Variants in FSHR observed in about 807,000 individuals in gnomAD.
FSHR encodes follicle-stimulating hormone receptor.
FSHR carries 46 observed loss-of-function variants against 52.1 expected under a neutral mutation model. The observed-to-expected ratio is 0.88, with a 90% confidence interval of 0.70 to 1.13. FSHR has a LOEUF of 1.13. Ranked by LOEUF, FSHR falls within the 50% of genes most tolerant of loss-of-function variation. The pLI is 0.00. For synonymous variants in FSHR, 399 were observed against 309.6 expected, an observed-to-expected ratio of 1.29 and a Z score of -3.03; for missense variants, 964 against 834.6, an observed-to-expected ratio of 1.16 and a Z score of -1.91.
chr2:48,962,186 T>G lies in FSHR; in HGVS notation c.*547A>C, dbSNP rs1329263398. The G allele has an allele frequency of 1.2e-5, 2 of 168,052 alleles. No homozygotes were observed. The highest frequency in any genetic ancestry group is 4.8e-5 in the African/African-American group (2 of 41,514). The allele number at this position is 168,052 out of a possible 1,614,324, so 10.4% of individuals were successfully genotyped here. On this transcript the variant is annotated 3_prime_UTR_variant, in exon 10 of 10. Coordinates refer to ENST00000406846, the MANE Select transcript of FSHR (RefSeq NM_000145.4). Reference sequence around the variant, plus strand: ...ACATGAGGAAGGGAAATCTGGGAAATGTATTTCAGCCTATCCACACTGACG... The same window carrying G: ...ACATGAGGAAGGGAAATCTGGGAAAGGTATTTCAGCCTATCCACACTGACG...
At chr2:49,119,386 T>G (rs187266981) in intron 1 of FSHR, among the ~76,000 whole-genome samples, 2,054 of 149,658 alleles carry the variant, frequency 0.014, 32 homozygotes, top group Non-Finnish European at 0.018. Context: ...CTTTGTTTTT[T>G]TTTTGTTTTT....
Position 49,042,951 on chromosome 2 carries a change from T to C in FSHR, c.225-22791A>G, listed in dbSNP as rs576405833. 1.3e-4 allele frequency among the ~76,000 whole-genome samples: 20 copies of C among 152,094 alleles called. No individual in the cohort carries two copies. The South Asian group carries it at 4.2e-3, about 32-fold the overall frequency. On this transcript the variant is annotated intron_variant, in intron 2 of 9. Transcript: ENST00000406846. ...TTTTATGCCTAACATTGACAACACC[T>C]TAGGAAAAAAGGAAGAATATAGCAG...
intron 1 of FSHR, among the ~76,000 whole-genome samples, chr2:49,136,987 A>G (rs1271676350): frequency 6.6e-6 from 1 of 152,134 alleles, no homozygotes; most frequent in Non-Finnish European, 1.5e-5. Flanking sequence ...CTTCCATTCA[A>G]CACTGTACTG....
intron 4 of FSHR, among the ~76,000 whole-genome samples, chr2:49,010,636 C>T (rs1202619772): frequency 1.7e-4 from 26 of 150,648 alleles, no homozygotes; most frequent in Admixed American, 3.3e-4. Flanking sequence ...TGGTAGAATT[C>T]GGCTGTGAAT....
intron 4 of FSHR, among the ~76,000 whole-genome samples, chr2:49,017,135 G>A (rs1247946623): frequency 2.0e-5 from 3 of 152,210 alleles, no homozygotes; most frequent in African/African-American, 7.2e-5. Context: ...GAATAAGAGA[G>A]ACAATGGCTT....
chr2:49,017,189 G>A (rs945725908), intron 4 of FSHR, among the ~76,000 whole-genome samples: 1 of 152,218 alleles, frequency 6.6e-6, no homozygotes, highest in Non-Finnish European at 1.5e-5. Flanking sequence ...AATTTTGGCT[G>A]TATCTCATTA....
intron 1 of FSHR, among the ~76,000 whole-genome samples, chr2:49,107,311 CA>C (rs1200139365): frequency 6.6e-6 from 1 of 151,870 alleles, no homozygotes; most frequent in African/African-American, 2.4e-5. Context: ...ATTTGTCTTC[CA>C]TATGATCTCC....
At chr2:48,969,043 C>G (rs975911570) in intron 8 of FSHR, among the ~76,000 whole-genome samples, 160 bp from the exon 9 acceptor site, 3 of 152,166 alleles carry the variant, frequency 2.0e-5, no homozygotes, top group African/African-American at 7.2e-5. Context: ...GGATATTTGG[C>G]TAATAGGACA....
chr2:49,025,411 A>G (rs771283316), intron 2 of FSHR, among the ~76,000 whole-genome samples: 1 of 152,192 alleles, frequency 6.6e-6, no homozygotes, highest in Non-Finnish European at 1.5e-5. Context: ...ACTAGAAAAA[A>G]TAAACTTTTG....
At position 49,009,175 on chromosome 2, in the gene FSHR, C is replaced by T. The variant is rs555412701; in HGVS notation, c.374+8314G>A. On this transcript the variant is annotated intron_variant, in intron 4 of 9. Coordinates refer to ENST00000406846, the MANE Select transcript of FSHR (RefSeq NM_000145.4). The stretch of plus-strand genomic sequence containing the variant: ...ATGGTTTTAGGTCTAACGTTTAAGT[C>T]TTTAATCCATCTTGAATTGATTTTT... Among the ~76,000 whole-genome samples, 1,431 of 151,656 alleles carry T rather than the reference C, an allele frequency of 9.4e-3. 15 individuals are homozygous for T. Among genetic ancestry groups the T allele is most frequent in the African/African-American group, 0.033 (1,361 of 41,328 alleles).
chr2:48,977,266 C>A (rs550214788), intron 8 of FSHR, among the ~76,000 whole-genome samples: 2 of 152,174 alleles, frequency 1.3e-5, no homozygotes, highest in African/African-American at 2.4e-5. Flanking sequence ...TTATTCTGGG[C>A]AATCATACTT....
rs1210651479 is a variant in FSHR, at chr2:48,968,717, C to T, written c.835G>A (p.Ala279Thr). 2.5e-6 allele frequency: 4 copies of T among 1,614,000 alleles called. No individual in the cohort carries two copies. Among genetic ancestry groups the T allele is most frequent in the Non-Finnish European group, 2.5e-6 (3 of 1,179,994 alleles). ...ACTCACATTTGCCGTCTCCAGTTTG[C>T]AAAGGCACAGCAATGGCTGGGATAG... Reference protein sequence around the residue: ...LTYPSHCCAFANWRRQISELH... With the variant: ...LTYPSHCCAFTNWRRQISELH... The change falls in exon 9 of 10, where the codon GCA (alanine) becomes ACA (threonine). Residue 279 changes from alanine (A) to threonine (T), a missense_variant. Coordinates refer to ENST00000406846, the MANE Select transcript of FSHR (RefSeq NM_000145.4).
At chr2:48,974,895 C>T (rs1240653614) in intron 8 of FSHR, among the ~76,000 whole-genome samples, 1 of 152,116 alleles carries the variant, frequency 6.6e-6, no homozygotes, top group Non-Finnish European at 1.5e-5. Flanking sequence ...TTGTTGGCTA[C>T]AGTTCTTCTG....
intron 4 of FSHR, among the ~76,000 whole-genome samples, chr2:48,992,034 T>A (rs878901091): frequency 6.6e-6 from 1 of 152,224 alleles, no homozygotes; most frequent in South Asian, 2.1e-4. Flanking sequence ...TTTCTTTTTT[T>A]CCTCTCTTGA....
intron 8 of FSHR, among the ~76,000 whole-genome samples, chr2:48,975,580 C>G (rs1301520440): frequency 6.6e-6 from 1 of 152,184 alleles, no homozygotes; most frequent in Non-Finnish European, 1.5e-5. Context: ...CTCCAGCTTG[C>G]AGATAGCCTA....
At chr2:49,005,257 G>T (rs1272950420) in intron 4 of FSHR, among the ~76,000 whole-genome samples, 3 of 152,082 alleles carry the variant, frequency 2.0e-5, no homozygotes, top group Non-Finnish European at 4.4e-5. Flanking sequence ...GGTGGTCCTT[G>T]CCTCCCTGGA....
Position 49,027,912 on chromosome 2 carries a change from G to T in FSHR, c.225-7752C>A, listed in dbSNP as rs374697050. On this transcript the variant is annotated intron_variant, in intron 2 of 9. Coordinates refer to ENST00000406846, the MANE Select transcript of FSHR (RefSeq NM_000145.4). ...CAAAGATTTTCTGGAGGTAGAGTCAGATTAGGGTTGGAAGCTAGAAAAGGT... is the reference window on the plus strand; with the variant it reads ...CAAAGATTTTCTGGAGGTAGAGTCATATTAGGGTTGGAAGCTAGAAAAGGT... Among the ~76,000 whole-genome samples the T allele has an allele frequency of 7.3e-5, 11 of 151,250 alleles. No individual in the cohort carries two copies. In the East Asian group the frequency reaches 1.6e-3, roughly 21 times the overall value.
At chr2:48,987,696 C>G (rs1218722939) in intron 6 of FSHR, among the ~76,000 whole-genome samples, 16 of 152,120 alleles carry the variant, frequency 1.1e-4, no homozygotes, top group Admixed American at 1.0e-3. Flanking sequence ...GCATCACAGA[C>G]TAGTGAGATT....
At chr2:49,063,177 A>T (rs569165416) in intron 2 of FSHR, among the ~76,000 whole-genome samples, 1 of 152,168 alleles carries the variant, frequency 6.6e-6, no homozygotes, top group South Asian at 2.1e-4. Flanking sequence ...GTGTGGGAGG[A>T]TTTGCTCTGT....
Sources: gnomAD v4.1 joint callset for allele counts (sites outside exome capture counted in the v4.1 genomes callset) on GRCh38, gnomAD v4.1.1 for gene constraint, MANE v1.5 for transcripts, NCBI Gene and HGNC (gene_info 2026-07-23, HGNC 2026-07-21) for gene names.